CSTPP1: variants seen among roughly 807,000 people sequenced by gnomAD.
CSTPP1 encodes the protein centriolar satellite-associated tubulin polyglutamylase complex regulator 1, also known as UPF0705 protein C11orf49.
At chr11:46,944,262 G>A in the CSTPP1 span, among the ~76,000 whole-genome samples, 1 of 148,266 alleles carries the variant, frequency 6.7e-6, no homozygotes, top group Non-Finnish European at 1.5e-5. Context: ...AGGCTGCAGT[G>A]AGCTGAAATC....
chr11:47,041,692 A>G, the CSTPP1 span: 5 of 492,550 alleles, frequency 1.0e-5, 1 homozygote, highest in East Asian at 1.3e-4. Flanking sequence ...GCTGGGGTCA[A>G]TTTCCACAGT....
the CSTPP1 span, among the ~76,000 whole-genome samples, chr11:47,021,262 T>C: frequency 6.6e-6 from 1 of 152,188 alleles, no homozygotes; most frequent in Non-Finnish European, 1.5e-5. Context: ...TGCTCATCTC[T>C]GCAGGCTCCT....
the CSTPP1 span, among the ~76,000 whole-genome samples, chr11:47,067,199 G>T: frequency 2.5e-4 from 38 of 152,276 alleles, no homozygotes; most frequent in South Asian, 7.2e-3. Context: ...GGGAGTAATA[G>T]TAAATTTGTG....
At chr11:46,992,483 G>A in the CSTPP1 span, among the ~76,000 whole-genome samples, 2 of 147,596 alleles carry the variant, frequency 1.4e-5, no homozygotes. Context: ...GTGAGAACAT[G>A]CGGTGTTTGG....
chr11:47,080,802 A>G, the CSTPP1 span, among the ~76,000 whole-genome samples: 1 of 152,102 alleles, frequency 6.6e-6, no homozygotes, highest in Non-Finnish European at 1.5e-5. Flanking sequence ...TGAGCCTAGG[A>G]GTTCGAGACC....
the CSTPP1 span, among the ~76,000 whole-genome samples, chr11:47,038,131 G>A: frequency 3.6e-4 from 3 of 8,248 alleles, no homozygotes; most frequent in Admixed American, 1.2e-3. Context: ...TCCCGGATGG[G>A]GCGGCTGGCC....
the CSTPP1 span, among the ~76,000 whole-genome samples, chr11:47,085,430 C>T: frequency 7.2e-5 from 11 of 152,160 alleles, no homozygotes; most frequent in South Asian, 6.2e-4. Context: ...ATAGAGCATT[C>T]ACCTCTATTT....
chr11:46,979,274 C>G, the CSTPP1 span, among the ~76,000 whole-genome samples: 2 of 152,068 alleles, frequency 1.3e-5, no homozygotes, highest in Admixed American at 6.5e-5. Flanking sequence ...TGCTATAGCA[C>G]AATTAATTTT....
the CSTPP1 span, among the ~76,000 whole-genome samples, chr11:47,002,776 G>A: frequency 3.3e-5 from 5 of 152,188 alleles, no homozygotes; most frequent in African/African-American, 1.2e-4. Flanking sequence ...TGCTTTTGCA[G>A]CTAGCTAGTA....
chr11:47,063,072 G>T, the CSTPP1 span, among the ~76,000 whole-genome samples: 1 of 152,016 alleles, frequency 6.6e-6, no homozygotes, highest in African/African-American at 2.4e-5. Flanking sequence ...ATCACTAAAA[G>T]GTAAAGTTTC....
the CSTPP1 span, among the ~76,000 whole-genome samples, chr11:46,938,761 CTTTTTTTTTTTTCTTCTTCTTT>C: frequency 1.6e-5 from 2 of 123,608 alleles, no homozygotes; most frequent in South Asian, 4.9e-4. Context: ...CCATGCACAT[CTTTTTTTTTTTTCTTCTTCTTT>C]TTTTTTTTTT....
chr11:46,986,207 C>T, the CSTPP1 span, among the ~76,000 whole-genome samples: 26 of 152,164 alleles, frequency 1.7e-4, no homozygotes, highest in Non-Finnish European at 2.6e-4. Context: ...AAGACAGAGC[C>T]ATGATTCAAA....
At chr11:47,053,858 C>T in the CSTPP1 span, among the ~76,000 whole-genome samples, 3 of 149,978 alleles carry the variant, frequency 2.0e-5, no homozygotes, top group Non-Finnish European at 4.4e-5. Flanking sequence ...GTGGGAGGAT[C>T]ACTTGAGCTG....
chr11:47,018,756 G>A, the CSTPP1 span, among the ~76,000 whole-genome samples: 11 of 152,106 alleles, frequency 7.2e-5, no homozygotes, highest in African/African-American at 2.7e-4. Context: ...ATCTCATTGT[G>A]GTCTTGATTT....
chr11:46,965,778 A>G, the CSTPP1 span, among the ~76,000 whole-genome samples: 1 of 152,180 alleles, frequency 6.6e-6, no homozygotes, highest in Non-Finnish European at 1.5e-5. Flanking sequence ...TCAGGTATTT[A>G]TTTCACCAAA....
At chr11:47,023,541 C>T in the CSTPP1 span, 4 of 152,146 alleles carry the variant, frequency 2.6e-5, no homozygotes, top group Non-Finnish European at 5.9e-5. Context: ...TGTCATCCAC[C>T]TCCATAACTT....
chr11:47,011,027 C>T, the CSTPP1 span, among the ~76,000 whole-genome samples: 1 of 152,120 alleles, frequency 6.6e-6, no homozygotes, highest in Non-Finnish European at 1.5e-5. Flanking sequence ...CCCCCAAACA[C>T]TTCCTAATAT....
At chr11:46,991,865 C>T in the CSTPP1 span, among the ~76,000 whole-genome samples, 4 of 152,098 alleles carry the variant, frequency 2.6e-5, no homozygotes, top group Non-Finnish European at 5.9e-5. Context: ...CTCAGCCTCC[C>T]GAGTAGCTGG....
the CSTPP1 span, among the ~76,000 whole-genome samples, chr11:47,110,157 A>G: frequency 6.6e-6 from 1 of 152,136 alleles, no homozygotes; most frequent in Non-Finnish European, 1.5e-5. Flanking sequence ...GTTACTTTTT[A>G]TTCTCTGTCT....
Sources: allele counts gnomAD v4.1 joint callset (sites outside exome capture counted in the v4.1 genomes callset), GRCh38; gene constraint gnomAD v4.1.1; transcripts MANE v1.5; gene names NCBI Gene and HGNC (gene_info 2026-07-23, HGNC 2026-07-21).